OXNAD1: variants seen among roughly 807,000 people sequenced by gnomAD.
OXNAD1 encodes the protein oxidoreductase NAD binding domain containing 1.
OXNAD1 carries 34 observed loss-of-function variants against 32.9 expected under a neutral mutation model. The ratio of observed to expected loss-of-function variants is 1.03; its 90% CI spans 0.79 to 1.38. The LOEUF (loss-of-function observed/expected upper bound fraction) is 1.38. Ranked by LOEUF, OXNAD1 falls within the 40% of genes most tolerant of loss-of-function variation. The pLI is 0.00. For synonymous variants in OXNAD1, 134 were observed against 135.2 expected (o/e 0.99, Z 0.06); for missense variants, 407 against 379.4 (o/e 1.07, Z -0.60).
At position 16,317,822 on chromosome 3, in the gene OXNAD1, C is replaced by A. The variant is rs1300128744; in HGVS notation, c.*30+14230C>A. Among the ~76,000 whole-genome samples, 2 of 139,360 alleles carry A rather than the reference C, an allele frequency of 1.4e-5. No individual in the cohort carries two copies. The allele number at this position is 139,360 out of a possible 152,430, so 91.4% of individuals were successfully genotyped here. On this transcript the variant is annotated intron_variant, in intron 9 of 9. Transcript: ENST00000435829. The surrounding 1 kb of genome is among the most constrained non-coding windows in gnomAD (Gnocchi z 4.3). ...TCACAGAAGGGTCACACCAGGGCAA[C>A]CTACAACCAATGACTGCCCCAGGTG...
rs2069778688 is a variant in OXNAD1, at chr3:16,327,062, G to A, written c.*31-10050G>A. 6.6e-6 allele frequency among the ~76,000 whole-genome samples: 1 copy of A among 152,196 alleles called. No homozygotes were observed. The highest frequency in any genetic ancestry group is 1.5e-5 in the Non-Finnish European group (1 of 68,032). The stretch of plus-strand genomic sequence containing the variant: ...GTTTGGAGTCAAACTGCCAACATGG[G>A]ATTTCCTTCTGGGCCCCATTTCAGT... On this transcript the variant is annotated intron_variant, in intron 9 of 9. Coordinates refer to the OXNAD1 transcript ENST00000435829. The surrounding 1 kb of genome is among the most constrained non-coding windows in gnomAD (Gnocchi z 4.2).
chr3:16,275,746 G>C (rs2065274227), intron 4 of OXNAD1: 1 of 170,310 alleles, frequency 5.9e-6, no homozygotes, highest in Admixed American at 6.0e-5. Flanking sequence ...TTCTTCAACT[G>C]TTTGATTAAT....
At position 16,302,001 on chromosome 3, in the gene OXNAD1, A is replaced by G. The variant is rs1301700746; in HGVS notation, c.675+133A>G. 7 of 1,142,126 alleles carry G rather than the reference A, an allele frequency of 6.1e-6. No individual in the cohort carries two copies. The African/African-American group carries it at 7.9e-5, about 13-fold the overall frequency. The allele number at this position is 1,142,126 out of a possible 1,614,324, so 70.7% of individuals were successfully genotyped here. ...CTTGGCAAGATTTAATCATGCTTAAATGAGAACTAACCAACACACCTTACC... is the reference window on the plus strand; with the variant it reads ...CTTGGCAAGATTTAATCATGCTTAAGTGAGAACTAACCAACACACCTTACC... On this transcript the variant is annotated intron_variant, in intron 7 of 8. Coordinates refer to ENST00000285083, the MANE Select transcript of OXNAD1 (RefSeq NM_138381.5). The surrounding 1 kb of genome is among the most constrained non-coding windows in gnomAD (Gnocchi z 4.2).
At position 16,321,424 on chromosome 3, in the gene OXNAD1, A is replaced by G. The variant is rs1032860323; in HGVS notation, c.*31-15688A>G. On this transcript the variant is annotated intron_variant, in intron 9 of 9. Transcript: ENST00000435829. The surrounding 1 kb of genome is among the most constrained non-coding windows in gnomAD (Gnocchi z 4.8). Reference sequence around the variant, plus strand: ...GCTTCAGGGAGTGGGGGTGGTCCCAACATCCGGGCTGCAAGAGCTCAGGCA... The same window carrying G: ...GCTTCAGGGAGTGGGGGTGGTCCCAGCATCCGGGCTGCAAGAGCTCAGGCA... Among the ~76,000 whole-genome samples the G allele has an allele frequency of 1.3e-5, 2 of 152,186 alleles. No homozygotes were observed. Among genetic ancestry groups the G allele is most frequent in the Non-Finnish European group, 2.9e-5 (2 of 68,026 alleles).
rs2125104639 is a variant in OXNAD1 at position 16,304,517 on chromosome 3, C to G, written c.*955C>G. The G allele has an allele frequency of 6.6e-6, 1 of 152,280 alleles. No homozygotes were observed. Among genetic ancestry groups the G allele is most frequent in the South Asian group, 2.1e-4 (1 of 4,828 alleles). 9.4% of individuals were successfully genotyped at this position (152,280 alleles called of 1,614,324 possible). A position where few individuals can be genotyped will look rare whatever the true frequency, so the allele number is the denominator to read the frequency against. ...GCTAAGTCTGAGATTGGGAGGCAGT[C>G]CCCTAGAGTGGATAGAAAGAATGGT... On this transcript the variant is annotated 3_prime_UTR_variant, in exon 9 of 9. Coordinates refer to ENST00000285083, the MANE Select transcript of OXNAD1 (RefSeq NM_138381.5). This position sits in a 1 kb window ranked among gnomAD's most constrained non-coding sequence, Gnocchi z 4.6.
intron 9 of OXNAD1, chr3:16,323,447 C>T (rs11554130): frequency 0.14 from 228,926 of 1,601,610 alleles, 21,679 homozygotes; most frequent in African/African-American, 0.46. Context: ...TTGGTGGATA[C>T]ACTCCCCTCG....
Position 16,302,825 on chromosome 3 carries a change from T to TTTA in OXNAD1, c.784+80_784+82dup. 1 of 1,087,828 alleles carries TTTA rather than the reference T, an allele frequency of 9.2e-7. No homozygotes were observed. The highest frequency in any genetic ancestry group is 1.4e-5 in the South Asian group (1 of 71,766). 67.4% of individuals were successfully genotyped at this position (1,087,828 alleles called of 1,614,324 possible). On this transcript the variant is annotated intron_variant, in intron 8 of 8. Coordinates refer to ENST00000285083, the MANE Select transcript of OXNAD1 (RefSeq NM_138381.5). This position sits in a 1 kb window ranked among gnomAD's most constrained non-coding sequence, Gnocchi z 4.2. ...ACACCAGTTGGTTGAGCGTAGATGCTTTATTGTTGGAAGCTGCTGGCTGGG... is the reference window on the plus strand; with the variant it reads ...ACACCAGTTGGTTGAGCGTAGATGCTTTATTATTGTTGGAAGCTGCTGGCTGGG...
Position 16,320,450 on chromosome 3 carries a change from C to T in OXNAD1, c.*31-16662C>T, listed in dbSNP as rs879563355. Among the ~76,000 whole-genome samples, 19 of 152,178 alleles carry T rather than the reference C, an allele frequency of 1.2e-4. No individual in the cohort carries two copies. Among genetic ancestry groups the T allele is most frequent in the Non-Finnish European group, 7.3e-5 (5 of 68,028 alleles). On this transcript the variant is annotated intron_variant, in intron 9 of 9. Coordinates refer to the OXNAD1 transcript ENST00000435829. This position sits in a 1 kb window ranked among gnomAD's most constrained non-coding sequence, Gnocchi z 4.5. ...GAAGCTGATTACTCATTCATTGATT[C>T]GACAAGTATCTGTTGAGCACCAACT...
rs1249133648 is a variant in OXNAD1, at chr3:16,345,961, G to GA, written c.*31-3215_*31-3214insA. On this transcript the variant is annotated intron_variant, in intron 9 of 9. Coordinates refer to the OXNAD1 transcript ENST00000606098. The surrounding 1 kb of genome is among the most constrained non-coding windows in gnomAD (Gnocchi z 5.2). Reference sequence around the variant, plus strand: ...AATATTTTAAACCGCATTTGTCACAGGATTTTGAAAACGTGATCATTTGTT... The same window carrying GA: ...AATATTTTAAACCGCATTTGTCACAGAGATTTTGAAAACGTGATCATTTGTT... 1 of 152,102 alleles carries GA rather than the reference G, an allele frequency of 6.6e-6. No homozygotes were observed. The highest frequency in any genetic ancestry group is 1.5e-5 in the Non-Finnish European group (1 of 68,028). The allele number at this position is 152,102 out of a possible 1,614,324, so 9.4% of individuals were successfully genotyped here. A position where few individuals can be genotyped will look rare whatever the true frequency, so the allele number is the denominator to read the frequency against.
chr3:16,311,933 T>C lies in OXNAD1; in HGVS notation c.*30+8341T>C, dbSNP rs568405253. Among the ~76,000 whole-genome samples, 5 of 152,312 alleles carry C rather than the reference T, an allele frequency of 3.3e-5. No individual in the cohort carries two copies. The South Asian group carries it at 8.3e-4, about 25-fold the overall frequency. ...ACAGTTGTGTAGGAATTTTAAAATG[T>C]GTATCTGTTTAACAAATCATTTGAT... On this transcript the variant is annotated intron_variant, in intron 9 of 9. Transcript: ENST00000435829.
At chr3:16,309,948 T>TTCTTGGGATGACTATTGTTTGTATC (rs1251807872), downstream of OXNAD1, among the ~76,000 whole-genome samples, 3 of 152,224 alleles carry the variant, frequency 2.0e-5, no homozygotes, top group Admixed American at 6.5e-5. Context: ...ATTTGATTGA[T>TTCTTGGGATGACTATTGTTTGTATC]TCTTGGGATG....
Position 16,312,290 on chromosome 3 carries a change from C to A in OXNAD1, c.*30+8698C>A, listed in dbSNP as rs1158737681. ...GCCAGGTACAGGAAACCCAGCCTCT[C>A]CTGGGAAGCTGCATCAGTGGTTTTG... On this transcript the variant is annotated intron_variant, in intron 9 of 9. Transcript: ENST00000435829. This position sits in a 1 kb window ranked among gnomAD's most constrained non-coding sequence, Gnocchi z 4.7. 1.3e-5 allele frequency among the ~76,000 whole-genome samples: 2 copies of A among 152,208 alleles called. No homozygotes were observed. Among genetic ancestry groups the A allele is most frequent in the Non-Finnish European group, 2.9e-5 (2 of 68,042 alleles).
intron 5 of OXNAD1, among the ~76,000 whole-genome samples, chr3:16,294,540 A>T (rs1334569245): frequency 6.6e-6 from 1 of 152,150 alleles, no homozygotes; most frequent in Non-Finnish European, 1.5e-5. Flanking sequence ...GGGAAGTTTT[A>T]AAATTATTAA....
At position 16,304,861 on chromosome 3, in the gene OXNAD1, A is replaced by G. The variant is rs2067434335; in HGVS notation, c.*1299A>G. 6.6e-6 allele frequency: 1 copy of G among 152,198 alleles called. No homozygotes were observed. Among genetic ancestry groups the G allele is most frequent in the African/African-American group, 2.4e-5 (1 of 41,442 alleles). 9.4% of individuals were successfully genotyped at this position (152,198 alleles called of 1,614,324 possible). ...GGACTTGTGGGCTTGAACAGATATG[A>G]TTCATGGGACCTGAAGGTGACTCTA... On this transcript the variant is annotated 3_prime_UTR_variant, in exon 9 of 9. Coordinates refer to ENST00000285083, the MANE Select transcript of OXNAD1 (RefSeq NM_138381.5). This position sits in a 1 kb window ranked among gnomAD's most constrained non-coding sequence, Gnocchi z 4.6.
intron 9 of OXNAD1, among the ~76,000 whole-genome samples, chr3:16,319,470 G>A (rs2068796063): frequency 6.6e-6 from 1 of 152,172 alleles, no homozygotes; most frequent in African/African-American, 2.4e-5. Flanking sequence ...GGGCTGCGGT[G>A]CACACCTCCA....
At position 16,336,317 on chromosome 3, in the gene OXNAD1, A is replaced by G. The variant is rs2070843524; in HGVS notation, c.*31-795A>G. On this transcript the variant is annotated intron_variant, in intron 9 of 9. Coordinates refer to the OXNAD1 transcript ENST00000435829. The surrounding 1 kb of genome is among the most constrained non-coding windows in gnomAD (Gnocchi z 6.0). ...AGCCTCTTCTGCCCCAGGAGATCCCAGTCTAGGGGTGGGGAGAACAAGCAC... is the reference window on the plus strand; with the variant it reads ...AGCCTCTTCTGCCCCAGGAGATCCCGGTCTAGGGGTGGGGAGAACAAGCAC... 6.6e-6 allele frequency among the ~76,000 whole-genome samples: 1 copy of G among 152,136 alleles called. No homozygotes were observed. Among genetic ancestry groups the G allele is most frequent in the Non-Finnish European group, 1.5e-5 (1 of 68,010 alleles).
chr3:16,285,480 T>G (rs1324467683), intron 4 of OXNAD1, among the ~76,000 whole-genome samples: 1 of 152,210 alleles, frequency 6.6e-6, no homozygotes, highest in Non-Finnish European at 1.5e-5. Context: ...CTTTTTTCTT[T>G]GCTTGTGAAG....
Position 16,344,013 on chromosome 3 carries a change from G to C in OXNAD1, c.*31-5163G>C, listed in dbSNP as rs1047619322. On this transcript the variant is annotated intron_variant, in intron 9 of 9. Coordinates refer to the OXNAD1 transcript ENST00000606098. The surrounding 1 kb of genome is among the most constrained non-coding windows in gnomAD (Gnocchi z 4.4). ...TCAGCAGAGAGTGAGCAACCAGAAA[G>C]AAACATGGGCTGTGATCTGGAAATG... 6.6e-6 allele frequency among the ~76,000 whole-genome samples: 1 copy of C among 152,186 alleles called. No homozygotes were observed. Among genetic ancestry groups the C allele is most frequent in the Non-Finnish European group, 1.5e-5 (1 of 68,040 alleles).
intron 4 of OXNAD1, among the ~76,000 whole-genome samples, chr3:16,274,179 A>C (rs983200038): frequency 2.6e-5 from 4 of 151,424 alleles, no homozygotes; most frequent in East Asian, 1.9e-4. Flanking sequence ...AAAAAAAAAA[A>C]AAAAACAAAA....
Sources: allele counts gnomAD v4.1 joint callset (sites outside exome capture counted in the v4.1 genomes callset), GRCh38; gene constraint gnomAD v4.1.1; non-coding constraint Gnocchi (gnomAD v3.1); transcripts MANE v1.5; gene names NCBI Gene and HGNC (gene_info 2026-07-23, HGNC 2026-07-21).